Variants in MPHOSPH8 observed in about 807,000 individuals in gnomAD.
MPHOSPH8 encodes M-phase phosphoprotein 8.
MPHOSPH8 carries 45 observed loss-of-function variants against 87.3 expected under a neutral mutation model. The observed-to-expected ratio is 0.52, with a 90% CI of 0.41 to 0.66. MPHOSPH8 has a LOEUF of 0.66. MPHOSPH8 is among the 30% of genes least tolerant of loss of function. The pLI is 0.00. For missense variants in MPHOSPH8, 883 were observed against 1,020.2 expected, an observed-to-expected ratio of 0.87 and a Z score of 1.83; for synonymous variants, 366 against 376.9, an observed-to-expected ratio of 0.97 and a Z score of 0.33.
At position 19,663,036 on chromosome 13, in the gene MPHOSPH8, A is replaced by G; in HGVS notation, c.1933-4A>G. The G allele has an allele frequency of 1.9e-6, 3 of 1,606,162 alleles. No homozygotes were observed. Among genetic ancestry groups the G allele is most frequent in the Non-Finnish European group, 2.6e-6 (3 of 1,175,194 alleles). On this transcript the variant is annotated splice_region_variant and splice_polypyrimidine_tract_variant and intron_variant, in intron 8 of 13. Transcript: ENST00000361479. ...ATTAAATTTGCCTTTTTTTCTTTTC[A>G]TAGAACTTTTTAACAACAGTGGCTA...
chr13:19,634,304 C>T (rs1477051021), intron 1 of MPHOSPH8, among the ~76,000 whole-genome samples: 1 of 152,180 alleles, frequency 6.6e-6, no homozygotes, highest in Non-Finnish European at 1.5e-5. Context: ...TGCTTCTCGT[C>T]GTAGTCCACT....
In MPHOSPH8 at chr13:19,671,927, C is replaced by A. The variant is rs758918300; in HGVS notation, c.*52C>A. The A allele has an allele frequency of 6.4e-7, 1 of 1,562,886 alleles. No homozygotes were observed. Among genetic ancestry groups the A allele is most frequent in the African/African-American group, 1.4e-5 (1 of 73,766 alleles). Reference sequence around the variant, plus strand: ...CTCTTCAGACCGATTCCTATACTCTCTTTGACAGCAGTTTGGAATTCTTCT... The same window carrying A: ...CTCTTCAGACCGATTCCTATACTCTATTTGACAGCAGTTTGGAATTCTTCT... On this transcript the variant is annotated 3_prime_UTR_variant, in exon 14 of 14. Coordinates refer to ENST00000361479, the MANE Select transcript of MPHOSPH8 (RefSeq NM_017520.4).
chr13:19,651,038 G>GAT (rs1466541745), intron 5 of MPHOSPH8, among the ~76,000 whole-genome samples: 1 of 152,242 alleles, frequency 6.6e-6, no homozygotes, highest in Non-Finnish European at 1.5e-5. Flanking sequence ...CTGCTGTTGA[G>GAT]ATACCAGGCA....
chr13:19,639,892 C>G (rs573913762), intron 1 of MPHOSPH8, among the ~76,000 whole-genome samples: 96 of 138,300 alleles, frequency 6.9e-4, no homozygotes, highest in South Asian at 5.8e-3. Flanking sequence ...ATCTCTTGAG[C>G]CCAGGAGTTT....
intron 3 of MPHOSPH8, 124 bp downstream of exon 3, chr13:19,647,415 T>A: frequency 1.3e-6 from 1 of 788,672 alleles, no homozygotes; most frequent in Non-Finnish European, 1.9e-6. Flanking sequence ...TAAATGAAGA[T>A]CCTCCAGCTT....
chr13:19,668,576 A>G, intron 11 of MPHOSPH8, 45 bp downstream of exon 11: 1 of 1,538,706 alleles, frequency 6.5e-7, no homozygotes, highest in Non-Finnish European at 8.8e-7. Context: ...GAAGTGTGAC[A>G]CTATATTAAC....
chr13:19,641,480 CTTTTTTTTT>C (rs869295535), intron 1 of MPHOSPH8, among the ~76,000 whole-genome samples: 1 of 72,258 alleles, frequency 1.4e-5, no homozygotes, highest in Non-Finnish European at 2.4e-5. Context: ...GTGCCACCAT[CTTTTTTTTT>C]TTTTTTTTTT....
intron 8 of MPHOSPH8, among the ~76,000 whole-genome samples, chr13:19,662,106 T>C (rs1875570668): frequency 6.6e-6 from 1 of 151,654 alleles, no homozygotes; most frequent in Admixed American, 6.6e-5. Flanking sequence ...ACCCGGCTAA[T>C]TTCTTTGTAT....
intron 2 of MPHOSPH8, among the ~76,000 whole-genome samples, chr13:19,643,655 A>G (rs962938187): frequency 6.6e-6 from 1 of 151,816 alleles, no homozygotes; most frequent in Non-Finnish European, 1.5e-5. Flanking sequence ...AAATATGGGT[A>G]TTTTTTTTGG....
chr13:19,641,596 G>A (rs765662234), intron 1 of MPHOSPH8, among the ~76,000 whole-genome samples: 1 of 148,398 alleles, frequency 6.7e-6, no homozygotes, highest in Non-Finnish European at 1.5e-5. Context: ...GGGTTCAAGC[G>A]ATTCTCCTGC....
chr13:19,672,712 A>G lies in MPHOSPH8; in HGVS notation c.*837A>G, dbSNP rs1876204031. ...GGCAGTCACTTTGTAAATATGCTGT[A>G]GTCACTTATCATCTTTTCAAAGGGT... On this transcript the variant is annotated 3_prime_UTR_variant, in exon 14 of 14. Transcript: ENST00000361479. The G allele has an allele frequency of 6.2e-6, 1 of 161,324 alleles. No individual in the cohort carries two copies. The allele number at this position is 161,324 out of a possible 1,614,324, so 10.0% of individuals were successfully genotyped here.
chr13:19,666,437 G>A lies in MPHOSPH8; in HGVS notation c.2032G>A (p.Gly678Arg). Residue 678 changes from glycine (G) to arginine (R), a missense_variant, in exon 10 of 14, where the codon GGA becomes AGA. Transcript: ENST00000361479. ...ETALMKACKRGNSDIVRLVIE... is the reference protein window; with the variant it reads ...ETALMKACKRRNSDIVRLVIE... ...TTACCTGACGTAGGCCTGTAAAAGA[G>A]GAAATTCAGACATCGTACGACTCGT... 1 of 1,607,462 alleles carries A rather than the reference G, an allele frequency of 6.2e-7. No homozygotes were observed. The highest frequency in any genetic ancestry group is 8.5e-7 in the Non-Finnish European group (1 of 1,174,512).
rs1187536728 is a variant in MPHOSPH8, at chr13:19,661,862, T to C, written c.1932+24T>C. 5 of 1,582,012 alleles carry C rather than the reference T, an allele frequency of 3.2e-6. No individual in the cohort carries two copies. The Admixed American group carries it at 7.1e-5, about 22-fold the overall frequency. On this transcript the variant is annotated intron_variant, in intron 8 of 13. Coordinates refer to ENST00000361479, the MANE Select transcript of MPHOSPH8 (RefSeq NM_017520.4). Reference sequence around the variant, plus strand: ...AGGTTTGTGGCTTCTTATGCATCAGTTTCAGAGCTTTCATGGTATTCCTGC... The same window carrying C: ...AGGTTTGTGGCTTCTTATGCATCAGCTTCAGAGCTTTCATGGTATTCCTGC...
intron 1 of MPHOSPH8, among the ~76,000 whole-genome samples, chr13:19,636,952 A>G (rs1008789900): frequency 4.6e-5 from 7 of 152,176 alleles, no homozygotes; most frequent in African/African-American, 1.7e-4. Flanking sequence ...CTATCATGCA[A>G]TTTCCTTATA....
chr13:19,661,324 C>G (rs1875517436), intron 7 of MPHOSPH8, among the ~76,000 whole-genome samples: 1 of 152,154 alleles, frequency 6.6e-6, no homozygotes, highest in Admixed American at 6.6e-5. Flanking sequence ...CTAAAAAATG[C>G]TGACACAACA....
At chr13:19,640,943 A>G (rs922391063) in intron 1 of MPHOSPH8, among the ~76,000 whole-genome samples, 1 of 152,184 alleles carries the variant, frequency 6.6e-6, no homozygotes, top group Non-Finnish European at 1.5e-5. Context: ...TATTATCCTA[A>G]TGTTTTAAAA....
chr13:19,646,731 G>A lies in MPHOSPH8; in HGVS notation c.658G>A (p.Glu220Lys), dbSNP rs145920125. 223 of 1,586,792 alleles carry A rather than the reference G, an allele frequency of 1.4e-4. No individual in the cohort carries two copies. The highest frequency in any genetic ancestry group is 2.5e-4 in the East Asian group (11 of 44,696). The change falls in exon 3 of 14, where the codon GAA (glutamate) becomes AAA (lysine). Residue 220 changes from glutamate to lysine, a missense_variant. Transcript: ENST00000361479. ...GGAGTCCAAAAAGCCCAAAAAAGATGAAGTAAAAGAAACAAAAGAATTAAA... is the reference window on the plus strand; with the variant it reads ...GGAGTCCAAAAAGCCCAAAAAAGATAAAGTAAAAGAAACAAAAGAATTAAA... The part of the protein sequence containing the change: ...LKESKKPKKD[E>K]VKETKELKKV...
chr13:19,663,860 G>A (rs922538475), intron 9 of MPHOSPH8, among the ~76,000 whole-genome samples: 9 of 152,120 alleles, frequency 5.9e-5, no homozygotes, highest in South Asian at 4.1e-4. Context: ...TGCCCACAGC[G>A]CCCATTCCAG....
intron 5 of MPHOSPH8, 114 bp from the exon 6 acceptor site, chr13:19,658,881 G>A: frequency 1.6e-6 from 2 of 1,288,894 alleles, no homozygotes; most frequent in Non-Finnish European, 2.2e-6. Context: ...ACAATGACTT[G>A]TGTTAAAAGT....
Sources: gnomAD v4.1 joint callset for allele counts (sites outside exome capture counted in the v4.1 genomes callset) on GRCh38, gnomAD v4.1.1 for gene constraint, MANE v1.5 for transcripts, NCBI Gene and HGNC (gene_info 2026-07-23, HGNC 2026-07-21) for gene names.